NRCAM: variants seen among roughly 807,000 people sequenced by gnomAD.
NRCAM encodes the protein neuronal cell adhesion molecule.
Under a neutral mutation model 156.5 loss-of-function variants are expected in NRCAM, and 83 were observed. The observed-to-expected ratio is 0.53, with a 90% confidence interval of 0.44 to 0.64. The LOEUF is 0.64. Ranked by LOEUF, NRCAM falls within the 30% of genes least tolerant of loss-of-function variation. The pLI is 0.00. For missense variants in NRCAM, 1,417 were observed against 1,597.3 expected (o/e 0.89, Z 1.92); for synonymous variants, 538 against 563.9 (o/e 0.95, Z 0.65).
intron 2 of NRCAM, among the ~76,000 whole-genome samples, chr7:108,384,706 T>G (rs1020090145): frequency 6.6e-6 from 1 of 152,214 alleles, no homozygotes; most frequent in Non-Finnish European, 1.5e-5. Context: ...TCAGCAAGTC[T>G]AGGGTAGGAC....
chr7:108,240,963 A>G (rs2095484115), intron 3 of NRCAM, among the ~76,000 whole-genome samples: 1 of 152,138 alleles, frequency 6.6e-6, no homozygotes, highest in Non-Finnish European at 1.5e-5. Flanking sequence ...ATATGCCTCA[A>G]ATTTTCCTGC....
In NRCAM at chr7:108,184,436, C is replaced by T. The variant is rs761131908; in HGVS notation, c.2214G>A (p.Gln738=). 6.2e-7 allele frequency: 1 copy of T among 1,614,058 alleles called. No homozygotes were observed. The highest frequency in any genetic ancestry group is 1.3e-5 in the African/African-American group (1 of 74,940). ...GKSLPSEASE[Q]YLTKASEPDK... is the part of the protein sequence containing the mutation. ...CTTTACCTGAGGCTTTCGTCAAATA[C>T]TGCTCAGACGCCTCGCTGGGCAAGC... Residue 738 remains glutamine, a synonymous_variant, in exon 21 of 33, where the codon CAG becomes CAA. Coordinates refer to ENST00000379028, the MANE Select transcript of NRCAM (RefSeq NM_001037132.4).
At chr7:108,421,657 G>T (rs73424113) in intron 1 of NRCAM, among the ~76,000 whole-genome samples, 13,328 of 152,140 alleles carry the variant, frequency 0.088, 1,525 homozygotes, top group African/African-American at 0.27. Context: ...TTAAATAAAA[G>T]AGGCAGGTAT....
intron 11 of NRCAM, 121 bp downstream of exon 11, chr7:108,223,604 C>T (rs2092855207): frequency 2.1e-6 from 1 of 475,840 alleles, no homozygotes; most frequent in South Asian, 5.0e-5. Context: ...CCAAATTTTT[C>T]TTGATGCTTG....
At chr7:108,198,520 C>A (rs888835589) in intron 13 of NRCAM, among the ~76,000 whole-genome samples, 23 of 152,048 alleles carry the variant, frequency 1.5e-4, no homozygotes, top group Non-Finnish European at 2.5e-4. Flanking sequence ...AAAACTCTTA[C>A]AAGTTTAGGT....
At position 108,234,699 on chromosome 7, in the gene NRCAM, G is replaced by GAAA; in HGVS notation, c.125-14_125-12dup. 2 of 1,167,862 alleles carry GAAA rather than the reference G, an allele frequency of 1.7e-6. No individual in the cohort carries two copies. The highest frequency in any genetic ancestry group is 2.4e-6 in the Non-Finnish European group (2 of 839,138). The allele number at this position is 1,167,862 out of a possible 1,614,324, so 72.3% of individuals were successfully genotyped here. A position where few individuals can be genotyped will look rare whatever the true frequency, so the allele number is the denominator to read the frequency against. ...TTGGAGGCTGTACCACTTAATTGTA[G>GAAA]AAAAAAAAAAATGTAAAAAAACAAA... On this transcript the variant is annotated splice_polypyrimidine_tract_variant and intron_variant, in intron 5 of 32. Coordinates refer to ENST00000379028, the MANE Select transcript of NRCAM (RefSeq NM_001037132.4).
rs185832521 is a variant in NRCAM, at chr7:108,233,228, T to C, written c.231-706A>G. 2.0e-5 allele frequency among the ~76,000 whole-genome samples: 3 copies of C among 152,296 alleles called. No individual in the cohort carries two copies. In the East Asian group the frequency reaches 5.8e-4, roughly 29 times the overall value. On this transcript the variant is annotated intron_variant, in intron 6 of 32. Transcript: ENST00000379028. ...ACAGTGCTCATGTAATTAAATACTTTACAACTAGTCACAAATCAATGATGG... is the reference window on the plus strand; with the variant it reads ...ACAGTGCTCATGTAATTAAATACTTCACAACTAGTCACAAATCAATGATGG...
intron 3 of NRCAM, among the ~76,000 whole-genome samples, chr7:108,252,375 C>T (rs868852316): frequency 6.6e-5 from 10 of 152,150 alleles, no homozygotes; most frequent in African/African-American, 9.7e-5. Flanking sequence ...CTGTCTCCTT[C>T]GAGAATTTTA....
At chr7:108,213,910 A>T (rs528998676) in intron 11 of NRCAM, among the ~76,000 whole-genome samples, 2 of 152,238 alleles carry the variant, frequency 1.3e-5, no homozygotes, top group Admixed American at 1.3e-4. Flanking sequence ...ATTGATTTGC[A>T]TATGTTGAAC....
intron 27 of NRCAM, among the ~76,000 whole-genome samples, chr7:108,175,573 G>C (rs2060166012): frequency 6.6e-6 from 1 of 152,054 alleles, no homozygotes; most frequent in Admixed American, 6.5e-5. Context: ...TACCCAGTTT[G>C]AATACCCAGT....
intron 3 of NRCAM, among the ~76,000 whole-genome samples, chr7:108,262,953 TG>T (rs1334102090): frequency 1.3e-5 from 2 of 152,224 alleles, no homozygotes; most frequent in East Asian, 3.8e-4. Flanking sequence ...TAGGCAGAAG[TG>T]CAGAAGCTAC....
intron 3 of NRCAM, among the ~76,000 whole-genome samples, chr7:108,292,631 C>T (rs2154124405): frequency 6.6e-6 from 1 of 152,302 alleles, no homozygotes; most frequent in African/African-American, 2.4e-5. Flanking sequence ...GACCTTGGTT[C>T]AAAGCCCAGC....
intron 3 of NRCAM, among the ~76,000 whole-genome samples, chr7:108,287,480 T>C (rs2098138130): frequency 6.6e-6 from 1 of 151,432 alleles, no homozygotes; most frequent in African/African-American, 2.4e-5. Context: ...AAACAACTCA[T>C]CAAGAAAAAA....
chr7:108,220,602 A>T (rs1374775941), intron 11 of NRCAM, among the ~76,000 whole-genome samples: 1 of 152,286 alleles, frequency 6.6e-6, no homozygotes, highest in Admixed American at 6.5e-5. Context: ...TGGGGAAAGG[A>T]CACCCTTTTC....
chr7:108,209,315 A>G, intron 12 of NRCAM, 106 bp downstream of exon 12: 1 of 752,526 alleles, frequency 1.3e-6, no homozygotes, highest in Non-Finnish European at 2.1e-6. Context: ...ATGAATGTTG[A>G]CATAACTTTA....
At chr7:108,160,139 T>G (rs1431691874) in intron 31 of NRCAM, among the ~76,000 whole-genome samples, 1 of 152,212 alleles carries the variant, frequency 6.6e-6, no homozygotes, top group African/African-American at 2.4e-5. Flanking sequence ...ACTAATGTTT[T>G]CAGAGAACTG....
intron 15 of NRCAM, among the ~76,000 whole-genome samples, chr7:108,194,638 AAAGT>A (rs2073936543): frequency 6.6e-6 from 1 of 152,240 alleles, no homozygotes; most frequent in Non-Finnish European, 1.5e-5. Context: ...CGGATGAAAC[AAAGT>A]GAGTGTGAAT....
At chr7:108,155,962 C>G (rs1460242044) in intron 32 of NRCAM, among the ~76,000 whole-genome samples, 1 of 151,902 alleles carries the variant, frequency 6.6e-6, no homozygotes, top group Non-Finnish European at 1.5e-5. Flanking sequence ...CTGTTAAATC[C>G]TACTGAGTAA....
chr7:108,207,146 T>C (rs751824333), intron 13 of NRCAM: 66 of 164,906 alleles, frequency 4.0e-4, no homozygotes, highest in Middle Eastern at 6.1e-3. Flanking sequence ...ATTGGCTCTA[T>C]GCCGAGTCTC....
Sources: allele counts gnomAD v4.1 joint callset (sites outside exome capture counted in the v4.1 genomes callset), GRCh38; gene constraint gnomAD v4.1.1; transcripts MANE v1.5; gene names NCBI Gene and HGNC (gene_info 2026-07-23, HGNC 2026-07-21).